Variants in SGCZ observed in about 807,000 individuals in gnomAD.
SGCZ encodes sarcoglycan zeta.
In SGCZ, 40 loss-of-function variants were observed where a neutral mutation model predicts 41.3. The observed-to-expected ratio is 0.97, with a 90% confidence interval of 0.75 to 1.26. The LOEUF (loss-of-function observed/expected upper bound fraction) is 1.26. SGCZ is among the 50% of genes most tolerant of loss of function. SGCZ has a pLI of 0.00. For synonymous variants in SGCZ, 206 were observed against 137.5 expected, an observed-to-expected ratio of 1.50 and a Z score of -3.49; for missense variants, 552 against 369.8, an observed-to-expected ratio of 1.49 and a Z score of -4.04.
chr8:15,021,237 A>C, intron 1 of SGCZ, among the ~76,000 whole-genome samples: 1 of 152,232 alleles, frequency 6.6e-6, no homozygotes, highest in East Asian at 1.9e-4. Context: ...AAGAAAAAAG[A>C]AGTGCAATTT....
chr8:14,102,098 ATATATAATT>A (rs1802045145), intron 7 of SGCZ, among the ~76,000 whole-genome samples: 1 of 118,976 alleles, frequency 8.4e-6, no homozygotes, highest in African/African-American at 3.2e-5. Flanking sequence ...ATATATATAT[ATATATAATT>A]TTTTTTTTTT....
At chr8:14,877,702 T>C (rs915402119) in intron 1 of SGCZ, among the ~76,000 whole-genome samples, 2 of 152,140 alleles carry the variant, frequency 1.3e-5, no homozygotes, top group Admixed American at 6.6e-5. Context: ...TTTTAACTTA[T>C]CCATCCAAGT....
At chr8:15,210,779 C>A (rs527388402) in intron 1 of SGCZ, among the ~76,000 whole-genome samples, 6 of 152,150 alleles carry the variant, frequency 3.9e-5, no homozygotes, top group Non-Finnish European at 8.8e-5. Context: ...CTCTTAAAAT[C>A]TAAACTTAAG....
chr8:14,390,959 GT>G (rs975985147), intron 2 of SGCZ, among the ~76,000 whole-genome samples: 3 of 152,010 alleles, frequency 2.0e-5, no homozygotes, highest in African/African-American at 7.2e-5. Context: ...GGAAGAATAG[GT>G]TGGGGGGATA....
chr8:14,725,218 A>T (rs1208059929), intron 1 of SGCZ, among the ~76,000 whole-genome samples: 1 of 152,204 alleles, frequency 6.6e-6, no homozygotes, highest in Non-Finnish European at 1.5e-5. Flanking sequence ...GTGTATATAG[A>T]CCACCTTTAC....
At chr8:15,069,657 A>G (rs886315819) in intron 1 of SGCZ, among the ~76,000 whole-genome samples, 7 of 152,220 alleles carry the variant, frequency 4.6e-5, no homozygotes, top group Non-Finnish European at 5.9e-5. Flanking sequence ...TGCTTACCGC[A>G]TATGACTTTA....
At chr8:14,858,512 T>C (rs542924710) in intron 1 of SGCZ, among the ~76,000 whole-genome samples, 1 of 152,272 alleles carries the variant, frequency 6.6e-6, no homozygotes, top group South Asian at 2.1e-4. Context: ...TTGGATATAG[T>C]TGGCAAAGGA....
intron 1 of SGCZ, among the ~76,000 whole-genome samples, chr8:14,847,526 A>G (rs1007487678): frequency 6.6e-6 from 1 of 151,998 alleles, no homozygotes; most frequent in Non-Finnish European, 1.5e-5. Flanking sequence ...AAGGAAATAC[A>G]TAAGATAATA....
chr8:14,747,116 T>G (rs1037242492), intron 1 of SGCZ, among the ~76,000 whole-genome samples: 1 of 152,198 alleles, frequency 6.6e-6, no homozygotes, highest in African/African-American at 2.4e-5. Context: ...GTTTCACTCT[T>G]ACGGTTAGGA....
intron 3 of SGCZ, among the ~76,000 whole-genome samples, chr8:14,286,335 A>C (rs1460816650): frequency 2.6e-5 from 4 of 152,116 alleles, no homozygotes; most frequent in Non-Finnish European, 5.9e-5. Flanking sequence ...CAACTAGCAT[A>C]GTTACAAACA....
chr8:14,266,776 A>G (rs910285681), intron 3 of SGCZ, among the ~76,000 whole-genome samples: 2 of 152,106 alleles, frequency 1.3e-5, no homozygotes, highest in Non-Finnish European at 1.5e-5. Flanking sequence ...GCCTAAGTAG[A>G]TGAGGTAAAA....
intron 1 of SGCZ, among the ~76,000 whole-genome samples, chr8:14,905,675 C>T (rs1019453091): frequency 5.3e-5 from 8 of 151,870 alleles, no homozygotes; most frequent in South Asian, 2.1e-4. Flanking sequence ...ACCCAACCTC[C>T]GAATCCATGT....
At chr8:14,238,130 A>G (rs1806834283) in intron 3 of SGCZ, among the ~76,000 whole-genome samples, 1 of 152,206 alleles carries the variant, frequency 6.6e-6, no homozygotes, top group South Asian at 2.1e-4. Context: ...GAGTCTTTCA[A>G]TCCTCAAACT....
chr8:14,402,045 T>C (rs1056967750), intron 2 of SGCZ, among the ~76,000 whole-genome samples: 2 of 152,230 alleles, frequency 1.3e-5, no homozygotes, highest in African/African-American at 4.8e-5. Context: ...CCATGGATGA[T>C]GAGCATTTTC....
At chr8:14,582,543 G>C (rs1486796623) in intron 1 of SGCZ, among the ~76,000 whole-genome samples, 1 of 151,552 alleles carries the variant, frequency 6.6e-6, no homozygotes, top group Non-Finnish European at 1.5e-5. Flanking sequence ...TAAGTTTAGG[G>C]TACATGTGCA....
At chr8:15,022,532 C>A (rs1270886297) in intron 1 of SGCZ, among the ~76,000 whole-genome samples, 2 of 151,888 alleles carry the variant, frequency 1.3e-5, no homozygotes, top group East Asian at 1.9e-4. Context: ...TTAGCAGAGA[C>A]GGGGTTTCAC....
intron 1 of SGCZ, among the ~76,000 whole-genome samples, chr8:14,839,382 A>C (rs74553003): frequency 1.3e-5 from 2 of 152,280 alleles, no homozygotes; most frequent in East Asian, 3.9e-4. Flanking sequence ...CTGTGTTAGG[A>C]AATACTCATG....
chr8:14,747,696 TG>T, intron 1 of SGCZ, among the ~76,000 whole-genome samples: 1 of 107,264 alleles, frequency 9.3e-6, no homozygotes, highest in Non-Finnish European at 2.1e-5. Flanking sequence ...TTATTATGTG[TG>T]TGTGTATTTG....
At chr8:14,707,931 G>C (rs1241221985) in intron 1 of SGCZ, among the ~76,000 whole-genome samples, 1 of 151,934 alleles carries the variant, frequency 6.6e-6, no homozygotes, top group African/African-American at 2.4e-5. Context: ...GGTATGATTT[G>C]GGGTTCAGAG....
Sources: allele counts gnomAD v4.1 joint callset (sites outside exome capture counted in the v4.1 genomes callset), GRCh38; gene constraint gnomAD v4.1.1; transcripts MANE v1.5; gene names NCBI Gene and HGNC (gene_info 2026-07-23, HGNC 2026-07-21).